Variants in ANK1 observed in about 807,000 individuals in gnomAD.
ANK1 encodes ankyrin 1, also known as ankyrin-1.
In ANK1, 51 loss-of-function variants were observed where a neutral mutation model predicts 210.4. The observed-to-expected ratio is 0.24, with a 90% CI of 0.19 to 0.31. The LOEUF (loss-of-function observed/expected upper bound fraction) is 0.31, where lower values mean the gene tolerates loss of function less well. Ranked by LOEUF, ANK1 falls within the 10% of genes least tolerant of loss-of-function variation. The pLI is 1.00. For synonymous variants in ANK1, 967 were observed against 1,025.9 expected (o/e 0.94, Z 1.10); for missense variants, 2,051 against 2,504.4 (o/e 0.82, Z 3.86).
chr8:41,879,331 G>A (rs1817180132), intron 1 of ANK1, among the ~76,000 whole-genome samples: 1 of 152,146 alleles, frequency 6.6e-6, no homozygotes, highest in Admixed American at 6.5e-5. Context: ...TGGCATCTAG[G>A]TCAGGAGGCA....
Position 41,701,265 on chromosome 8 carries a change from G to A in ANK1, c.2461+285C>T, listed in dbSNP as rs376756404. ...GGAGACTTGATCTCAGTAGAACCAC[G>A]CTCCGATTTCATACACATCCATAAT... On this transcript the variant is annotated intron_variant, in intron 22 of 42. Transcript: ENST00000289734. Among the ~76,000 whole-genome samples the A allele has an allele frequency of 1.2e-4, 18 of 152,282 alleles. 1 individual carries two copies. The East Asian group carries it at 2.9e-3, about 24-fold the overall frequency.
intron 23 of ANK1, 130 bp downstream of exon 23, chr8:41,699,322 A>G (rs1822002672): frequency 1.1e-6 from 1 of 875,504 alleles, no homozygotes; most frequent in South Asian, 1.3e-5. Flanking sequence ...TAAGGTGCAA[A>G]CCGTCTCTCT....
chr8:41,655,424 C>A lies in ANK1; in HGVS notation c.*366G>T. On this transcript the variant is annotated 3_prime_UTR_variant, in exon 43 of 43. Transcript: ENST00000289734. ...AAAAAACCCCAAAACCAAAACCCAT[C>A]CCCAGCCACAAAAAGCCCTCATTCA... 2.8e-6 allele frequency: 1 copy of A among 357,834 alleles called. No individual in the cohort carries two copies. Among genetic ancestry groups the A allele is most frequent in the Non-Finnish European group, 5.0e-6 (1 of 198,154 alleles). The allele number at this position is 357,834 out of a possible 1,614,324, so 22.2% of individuals were successfully genotyped here.
chr8:41,703,816 AG>A (rs1252333084), intron 20 of ANK1, among the ~76,000 whole-genome samples: 1 of 152,118 alleles, frequency 6.6e-6, no homozygotes, highest in Non-Finnish European at 1.5e-5. Flanking sequence ...TAAACATAAA[AG>A]AGGAGGGTAA....
Position 41,732,453 on chromosome 8 carries a change from C to A in ANK1, c.228+1518G>T, listed in dbSNP as rs148188748. 8.8e-4 allele frequency among the ~76,000 whole-genome samples: 134 copies of A among 152,318 alleles called. 1 individual carries two copies. The East Asian group carries it at 0.018, about 21-fold the overall frequency. Reference sequence around the variant, plus strand: ...TTTGAGAGGGAGTCTGTCTCTGTCACCCAGGCTGGAGTGCAATGGCGCGAT... The same window carrying A: ...TTTGAGAGGGAGTCTGTCTCTGTCAACCAGGCTGGAGTGCAATGGCGCGAT... On this transcript the variant is annotated intron_variant, in intron 3 of 42. Transcript: ENST00000289734.
chr8:41,769,787 C>G (rs1417269025), intron 1 of ANK1, among the ~76,000 whole-genome samples: 1 of 152,044 alleles, frequency 6.6e-6, no homozygotes, highest in Non-Finnish European at 1.5e-5. Flanking sequence ...GCCGGCCAGT[C>G]CACATCCTTG....
At chr8:41,823,248 G>C (rs554983380) in intron 1 of ANK1, among the ~76,000 whole-genome samples, 3 of 152,236 alleles carry the variant, frequency 2.0e-5, no homozygotes, top group Non-Finnish European at 2.9e-5. Context: ...AACACTCTAG[G>C]GGGAGAGAAG....
chr8:41,698,207 C>T, intron 23 of ANK1, 86 bp from the exon 24 acceptor site: 3 of 1,427,598 alleles, frequency 2.1e-6, no homozygotes, highest in East Asian at 4.6e-5. Context: ...GCCTCTCCCT[C>T]CGGCTTTCCA....
chr8:41,801,997 T>G (rs1005195082), upstream of ANK1, among the ~76,000 whole-genome samples: 1 of 152,214 alleles, frequency 6.6e-6, no homozygotes, highest in Admixed American at 6.5e-5. Flanking sequence ...TTTGTTTTGT[T>G]TTTTGTTTTT....
intron 37 of ANK1, among the ~76,000 whole-genome samples, chr8:41,679,034 C>T (rs1815093324): frequency 1.3e-5 from 2 of 152,224 alleles, no homozygotes; most frequent in Admixed American, 6.5e-5. Context: ...GATCCGCCCA[C>T]CTCGGCCTCC....
chr8:41,825,820 A>G (rs1185503887), intron 1 of ANK1, among the ~76,000 whole-genome samples: 1 of 152,116 alleles, frequency 6.6e-6, no homozygotes, highest in Non-Finnish European at 1.5e-5. Flanking sequence ...ATGGTTCTAT[A>G]AAGGGGAGTT....
In ANK1 at chr8:41,690,323, C is replaced by T. The variant is rs147536061; in HGVS notation, c.4008G>A (p.Pro1336=). 0.016 allele frequency: 26,610 copies of T among 1,614,230 alleles called. 293 individuals are homozygous for T. The highest frequency in any genetic ancestry group is 0.02 in the Non-Finnish European group (23,063 of 1,180,032). ...TGCGCAGAAACGACAGGGACCCTCCCGGCTCTCGACTGCTGTCCCTCACCT... is the reference window on the plus strand; with the variant it reads ...TGCGCAGAAACGACAGGGACCCTCCTGGCTCTCGACTGCTGTCCCTCACCT... ...PVKVRDSSRE[P]GGSLSFLRKA... Residue 1336 remains proline, a synonymous_variant, in exon 33 of 43, where the codon CCG becomes CCA. Transcript: ENST00000289734.
rs757459790 is a variant in ANK1, at chr8:41,661,784, C to T, written c.5544+92G>A. On this transcript the variant is annotated intron_variant, in intron 41 of 42. Transcript: ENST00000289734. ...GTGATGGCGCTGGGTCCCCCAGGGC[C>T]GCGGGCGCCTCAGTACCTTGGAGTG... is the stretch of plus-strand genomic sequence containing the variant. The T allele has an allele frequency of 1.7e-5, 27 of 1,612,984 alleles. No homozygotes were observed. In the South Asian group the frequency reaches 1.9e-4, roughly 11 times the overall value.
intron 18 of ANK1, among the ~76,000 whole-genome samples, chr8:41,705,607 G>A (rs924975421): frequency 2.0e-5 from 3 of 152,152 alleles, no homozygotes; most frequent in Non-Finnish European, 4.4e-5. Context: ...CCACCTCCTC[G>A]CACCAACTGA....
intron 16 of ANK1, among the ~76,000 whole-genome samples, chr8:41,712,477 CT>C (rs1826424791): frequency 1.3e-5 from 2 of 152,200 alleles, no homozygotes; most frequent in African/African-American, 4.8e-5. Flanking sequence ...TGAGCTTCCC[CT>C]AAACCAGAAC....
intron 1 of ANK1, among the ~76,000 whole-genome samples, chr8:41,855,316 A>G (rs1811999039): frequency 6.6e-6 from 1 of 152,222 alleles, no homozygotes; most frequent in South Asian, 2.1e-4. Context: ...AGACTCATCC[A>G]CTTTCCATTT....
At chr8:41,882,900 C>G (rs1237875864) in intron 1 of ANK1, among the ~76,000 whole-genome samples, 1 of 152,228 alleles carries the variant, frequency 6.6e-6, no homozygotes, top group African/African-American at 2.4e-5. Context: ...CAGAGCCAGT[C>G]ACCTTACATT....
chr8:41,772,897 G>A lies in ANK1; in HGVS notation c.28-14760C>T, dbSNP rs558567078. ...ACTCCACCCTTTACCGAGAAAGGCA[G>A]GCTGGTTTATCGCCACTCAGACCCA... On this transcript the variant is annotated intron_variant, in intron 1 of 42. Transcript: ENST00000289734. Among the ~76,000 whole-genome samples, 7 of 152,268 alleles carry A rather than the reference G, an allele frequency of 4.6e-5. No individual in the cohort carries two copies. The East Asian group carries it at 1.2e-3, about 25-fold the overall frequency.
intron 1 of ANK1, among the ~76,000 whole-genome samples, chr8:41,771,925 A>G (rs1355453132): frequency 6.6e-6 from 1 of 152,202 alleles, no homozygotes; most frequent in Non-Finnish European, 1.5e-5. Flanking sequence ...CTGGAAGAAC[A>G]CAAGCCTGCA....
Sources: allele counts gnomAD v4.1 joint callset (sites outside exome capture counted in the v4.1 genomes callset), GRCh38; gene constraint gnomAD v4.1.1; transcripts MANE v1.5; gene names NCBI Gene and HGNC (gene_info 2026-07-23, HGNC 2026-07-21).